PHAX: variants seen among roughly 807,000 people sequenced by gnomAD.
PHAX encodes the protein phosphorylated adapter RNA export protein.
PHAX carries 31 observed loss-of-function variants against 41.6 expected under a neutral mutation model. That is an observed-to-expected ratio of 0.75 (90% confidence interval 0.56 to 1.01). PHAX has a LOEUF of 1.01. Ranked by LOEUF, PHAX falls within the 50% of genes least tolerant of loss-of-function variation. The pLI is 0.00. For synonymous variants in PHAX, 175 were observed against 164.9 expected, an observed-to-expected ratio of 1.06 and a Z score of -0.47; for missense variants, 453 against 472.9, an observed-to-expected ratio of 0.96 and a Z score of 0.39.
intron 2 of PHAX, among the ~76,000 whole-genome samples, chr5:126,606,672 G>A (rs1751991122): frequency 6.6e-6 from 1 of 151,620 alleles, no homozygotes; most frequent in African/African-American, 2.4e-5. Context: ...TTTTGTTTTA[G>A]ACAGAGTCTC....
chr5:126,606,741 T>G (rs1241918410), intron 2 of PHAX, among the ~76,000 whole-genome samples: 1 of 152,062 alleles, frequency 6.6e-6, no homozygotes, highest in East Asian at 1.9e-4. Context: ...AACCTCCGCC[T>G]CCTGGGTTCA....
At chr5:126,607,504 A>C (rs1169501741) in intron 2 of PHAX, among the ~76,000 whole-genome samples, 1 of 150,420 alleles carries the variant, frequency 6.6e-6, no homozygotes, top group Non-Finnish European at 1.5e-5. Flanking sequence ...TCAGGGTTCA[A>C]GCAATTCTCC....
chr5:126,608,321 T>C (rs373248789), intron 2 of PHAX, 43 bp from the exon 3 acceptor site: 7 of 1,589,236 alleles, frequency 4.4e-6, no homozygotes, highest in African/African-American at 1.4e-5. Flanking sequence ...TCTTCAACTT[T>C]GTACAACAAA....
In PHAX at chr5:126,624,700, T is replaced by C. The variant is rs1224941203; in HGVS notation, c.1041T>C (p.Asp347=). Residue 347 remains aspartate (D), a synonymous_variant, in exon 5 of 5, where the codon GAT becomes GAC. Coordinates refer to ENST00000297540, the MANE Select transcript of PHAX (RefSeq NM_032177.4). ...AAAGTCTAAATTTTCAAGAAGATGA[T>C]GATACATCACGAGAAACTTTTGCAA... ...AIKSLNFQED[D]DTSRETFASD... The C allele has an allele frequency of 1.2e-6, 2 of 1,614,080 alleles. No homozygotes were observed. The highest frequency in any genetic ancestry group is 1.7e-6 in the Non-Finnish European group (2 of 1,180,042).
At chr5:126,601,257 G>A (rs970919087) in intron 1 of PHAX, among the ~76,000 whole-genome samples, 199 bp downstream of exon 1, 1 of 152,042 alleles carries the variant, frequency 6.6e-6, no homozygotes, top group Non-Finnish European at 1.5e-5. Flanking sequence ...GGGCTGCGGG[G>A]GCCGAGGGGC....
intron 4 of PHAX, among the ~76,000 whole-genome samples, chr5:126,620,880 G>A (rs1752259673): frequency 6.6e-6 from 1 of 151,888 alleles, no homozygotes; most frequent in South Asian, 2.1e-4. Flanking sequence ...TGGGATTACA[G>A]GCATACCACC....
rs201281678 is a variant in PHAX, at chr5:126,624,786, A to G, written c.1127A>G (p.Lys376Arg). Residue 376 changes from lysine to arginine, a missense_variant, in exon 5 of 5, where the codon AAG (lysine) becomes AGG (arginine). Lys to Arg is a conservative substitution (Grantham distance 26). Transcript: ENST00000297540. ...DESQEGHAEA[K>R]LEAEEAIEVD... is the part of the protein sequence containing the mutation. The stretch of plus-strand genomic sequence containing the variant: ...TCACAGGAAGGACATGCAGAAGCCA[A>G]GTTGGAGGCAGAGGAAGCCATTGAA... The G allele has an allele frequency of 8.1e-6, 13 of 1,613,568 alleles. No homozygotes were observed. Among genetic ancestry groups the G allele is most frequent in the Non-Finnish European group, 1.1e-5 (13 of 1,179,904 alleles).
intron 2 of PHAX, among the ~76,000 whole-genome samples, chr5:126,605,714 C>G (rs1444474683): frequency 1.3e-5 from 2 of 152,144 alleles, no homozygotes; most frequent in Admixed American, 6.5e-5. Context: ...TAAATTTGGA[C>G]AAGCCTGATA....
intron 2 of PHAX, among the ~76,000 whole-genome samples, chr5:126,607,563 C>G (rs1245134239): frequency 6.6e-6 from 1 of 151,942 alleles, no homozygotes; most frequent in Non-Finnish European, 1.5e-5. Flanking sequence ...GCCACCACAC[C>G]CAGCTAATTT....
intron 3 of PHAX, among the ~76,000 whole-genome samples, chr5:126,609,663 G>C (rs899137961): frequency 5.9e-5 from 9 of 151,482 alleles, no homozygotes; most frequent in African/African-American, 1.9e-4. Context: ...ATGGTAAACA[G>C]AAGTGTTCAT....
intron 2 of PHAX, among the ~76,000 whole-genome samples, chr5:126,604,983 G>A (rs189664227): frequency 4.0e-5 from 6 of 151,786 alleles, no homozygotes; most frequent in Non-Finnish European, 5.9e-5. Flanking sequence ...GCAGTGAGCC[G>A]AGATTGTGCC....
At chr5:126,612,889 T>G (rs1056282608) in intron 3 of PHAX, among the ~76,000 whole-genome samples, 1 of 151,904 alleles carries the variant, frequency 6.6e-6, no homozygotes, top group Non-Finnish European at 1.5e-5. Context: ...TCCTAGTGGA[T>G]TAGATGGAGG....
At chr5:126,606,902 C>T (rs1751998719) in intron 2 of PHAX, among the ~76,000 whole-genome samples, 1 of 152,130 alleles carries the variant, frequency 6.6e-6, no homozygotes, top group South Asian at 2.1e-4. Context: ...GATGATCCAC[C>T]CCCTTCGACC....
chr5:126,608,819 G>A (rs561252488), intron 3 of PHAX, among the ~76,000 whole-genome samples: 2 of 151,454 alleles, frequency 1.3e-5, no homozygotes, highest in Admixed American at 6.6e-5. Flanking sequence ...ACCTGTAATC[G>A]CAGCTACTCA....
rs73343385 is a variant in PHAX at position 126,605,719 on chromosome 5, C to T, written c.710+1536C>T. The stretch of plus-strand genomic sequence containing the variant: ...TGTGTTTTCTTAAATTTGGACAAGC[C>T]TGATAGAATAATTTTGTAGACTTTT... On this transcript the variant is annotated intron_variant, in intron 2 of 4. Transcript: ENST00000297540. 5.1e-3 allele frequency among the ~76,000 whole-genome samples: 779 copies of T among 152,272 alleles called. 6 individuals carry two copies. The highest frequency in any genetic ancestry group is 0.018 in the African/African-American group (741 of 41,554).
At position 126,600,985 on chromosome 5, in the gene PHAX, T is replaced by G. The variant is rs779076925; in HGVS notation, c.23T>G (p.Met8Arg). The change falls in exon 1 of 5, where the codon ATG (methionine) becomes AGG (arginine). Residue 8 changes from methionine to arginine, a missense_variant. Physicochemically the swap from Met to Arg is moderately conservative, Grantham distance 91. Coordinates refer to ENST00000297540, the MANE Select transcript of PHAX (RefSeq NM_032177.4). The stretch of plus-strand genomic sequence containing the variant: ...AAGATGGCGTTGGAGGTCGGCGATA[T>G]GGAAGATGGGCAGCTTTCCGACTCG... MALEVGD[M>R]EDGQLSDSDS... 36 of 1,604,308 alleles carry G rather than the reference T, an allele frequency of 2.2e-5. No homozygotes were observed. The highest frequency in any genetic ancestry group is 3.1e-5 in the Non-Finnish European group (36 of 1,175,512).
chr5:126,608,618 T>A, intron 3 of PHAX, 134 bp downstream of exon 3: 2 of 701,124 alleles, frequency 2.9e-6, no homozygotes, highest in Non-Finnish European at 4.7e-6. Context: ...GTTTTTAAAC[T>A]ATTATCAACA....
In PHAX at chr5:126,627,205, T is replaced by C. The variant is rs886162256; in HGVS notation, c.*2361T>C. On this transcript the variant is annotated 3_prime_UTR_variant, in exon 5 of 5. Transcript: ENST00000297540. ...AGGAAAGTGGTTATCGGTTGCTTTT[T>C]ATTTATAAAGGATGCAAAAATAAAA... 6.6e-6 allele frequency: 1 copy of C among 152,236 alleles called. No individual in the cohort carries two copies. Among genetic ancestry groups the C allele is most frequent in the Non-Finnish European group, 1.5e-5 (1 of 68,048 alleles). 9.4% of individuals were successfully genotyped at this position (152,236 alleles called of 1,614,324 possible). A position where few individuals can be genotyped will look rare whatever the true frequency, so the allele number is the denominator to read the frequency against.
At chr5:126,608,240 A>G in intron 2 of PHAX, 124 bp from the exon 3 acceptor site, 2 of 1,073,044 alleles carry the variant, frequency 1.9e-6, no homozygotes, top group Non-Finnish European at 2.6e-6. Context: ...CCAAGATTAA[A>G]TATTGAAGAT....
Sources: gnomAD v4.1 joint callset for allele counts (sites outside exome capture counted in the v4.1 genomes callset) on GRCh38, gnomAD v4.1.1 for gene constraint, MANE v1.5 for transcripts, NCBI Gene and HGNC (gene_info 2026-07-23, HGNC 2026-07-21) for gene names.